Variants in MITF observed in about 807,000 individuals in gnomAD.
The protein encoded by MITF is melanocyte inducing transcription factor, also known as microphthalmia-associated transcription factor.
A neutral mutation model predicts 60.5 loss-of-function variants in MITF; 17 were observed. The observed-to-expected ratio is 0.28, with a 90% confidence interval of 0.19 to 0.42. The LOEUF (loss-of-function observed/expected upper bound fraction) is 0.42. Among genes scored for constraint, MITF ranks in the 10% least tolerant of loss-of-function variants. The pLI is 1.00. For synonymous variants in MITF, 260 were observed against 248.5 expected (o/e 1.05, Z -0.43); for missense variants, 622 against 683.5 (o/e 0.91, Z 1.00).
intron 1 of MITF, among the ~76,000 whole-genome samples, chr3:69,821,004 G>A (rs532905487): frequency 1.1e-3 from 164 of 152,078 alleles, no homozygotes; most frequent in African/African-American, 3.7e-3. Flanking sequence ...TTTCAGCCTC[G>A]TTGTAGGATA....
chr3:69,895,848 G>A (rs558556189), intron 2 of MITF, among the ~76,000 whole-genome samples: 4 of 139,602 alleles, frequency 2.9e-5, no homozygotes, highest in African/African-American at 1.0e-4. Context: ...GTGTGTGTGT[G>A]TATGTGTGTG....
intron 2 of MITF, among the ~76,000 whole-genome samples, chr3:69,898,196 G>T (rs902056599): frequency 1.3e-5 from 2 of 152,232 alleles, no homozygotes; most frequent in South Asian, 2.1e-4. Context: ...TCTTTCCCCT[G>T]TTCACCTGTC....
intron 1 of MITF, among the ~76,000 whole-genome samples, chr3:69,818,452 C>G (rs1471512487): frequency 6.6e-6 from 1 of 152,156 alleles, no homozygotes; most frequent in Non-Finnish European, 1.5e-5. Flanking sequence ...CTTCAGTATC[C>G]CAGTGTAACC....
chr3:69,951,486 C>T (rs561633613), intron 6 of MITF, among the ~76,000 whole-genome samples: 21 of 152,210 alleles, frequency 1.4e-4, no homozygotes, highest in Middle Eastern at 6.8e-3. Flanking sequence ...AGAGTATCAA[C>T]AGCAAATTGA....
At chr3:69,921,280 G>C (rs772835558) in intron 2 of MITF, among the ~76,000 whole-genome samples, 9 of 152,180 alleles carry the variant, frequency 5.9e-5, no homozygotes, top group Non-Finnish European at 1.3e-4. Flanking sequence ...TTGTTTGCAA[G>C]TATAGTAACG....
intron 1 of MITF, among the ~76,000 whole-genome samples, chr3:69,757,846 A>G (rs1001813886): frequency 6.6e-6 from 1 of 151,750 alleles, no homozygotes; most frequent in Non-Finnish European, 1.5e-5. Flanking sequence ...TGAGCTGAGG[A>G]TAATGGGGAG....
At chr3:69,797,902 G>C (rs2062856888) in intron 1 of MITF, among the ~76,000 whole-genome samples, 1 of 152,226 alleles carries the variant, frequency 6.6e-6, no homozygotes, top group Non-Finnish European at 1.5e-5. Context: ...GGTTGCAGAA[G>C]CAACGTACAT....
At chr3:69,865,783 A>G (rs553101157) in intron 1 of MITF, among the ~76,000 whole-genome samples, 1 of 152,236 alleles carries the variant, frequency 6.6e-6, no homozygotes, top group South Asian at 2.1e-4. Flanking sequence ...ACAGATGCAA[A>G]ACACCTAGAG....
intron 1 of MITF, chr3:69,769,852 C>G (rs574103030): frequency 4.7e-4 from 71 of 152,124 alleles, no homozygotes; most frequent in Non-Finnish European, 6.8e-4. Context: ...TCCAGAATGT[C>G]CAGTTAAATT....
chr3:69,826,103 A>G (rs1338810643), intron 1 of MITF, among the ~76,000 whole-genome samples: 3 of 152,210 alleles, frequency 2.0e-5, no homozygotes, highest in African/African-American at 7.2e-5. Flanking sequence ...AGTGTACACC[A>G]TGATGATTTA....
At chr3:69,860,440 C>CA (rs1335937456) in intron 1 of MITF, among the ~76,000 whole-genome samples, 15 of 151,568 alleles carry the variant, frequency 9.9e-5, no homozygotes, top group East Asian at 5.8e-4. Flanking sequence ...ACTAAAAATA[C>CA]AAAAAAAATT....
intron 2 of MITF, among the ~76,000 whole-genome samples, chr3:69,915,166 CTT>C (rs2065306843): frequency 6.6e-6 from 1 of 152,154 alleles, no homozygotes; most frequent in African/African-American, 2.4e-5. Context: ...ATCAATCACA[CTT>C]TTCTCTAAAG....
intron 7 of MITF, among the ~76,000 whole-genome samples, chr3:69,954,784 G>A (rs144804268): frequency 8.5e-5 from 13 of 152,232 alleles, no homozygotes; most frequent in Middle Eastern, 3.4e-3. Context: ...GTAGGACTTC[G>A]TATTATATAA....
chr3:69,959,382 C>T lies in MITF; in HGVS notation c.1141C>T (p.Leu381=), dbSNP rs2107537703. 1 of 1,613,952 alleles carries T rather than the reference C, an allele frequency of 6.2e-7. No homozygotes were observed. The highest frequency in any genetic ancestry group is 8.5e-7 in the Non-Finnish European group (1 of 1,179,898). Reference sequence around the variant, plus strand: ...AGAACTTGAAAACCGACAGAAGAAACTGGAGCACGCCAACCGGCATTTGTT... The same window carrying T: ...AGAACTTGAAAACCGACAGAAGAAATTGGAGCACGCCAACCGGCATTTGTT... ...AKELENRQKK[L]EHANRHLLLR... The change falls in exon 9 of 10, where the codon CTG becomes TTG. Residue 381 remains leucine (L), a synonymous_variant. Coordinates refer to ENST00000352241, the MANE Select transcript of MITF (RefSeq NM_001354604.2).
intron 1 of MITF, among the ~76,000 whole-genome samples, chr3:69,853,524 G>A (rs2107185467): frequency 6.6e-6 from 1 of 152,078 alleles, no homozygotes; most frequent in East Asian, 1.9e-4. Flanking sequence ...CCAATAAAAT[G>A]AATAACCATG....
rs1299191968 is a variant in MITF at position 69,739,589 on chromosome 3, G to A, written c.-9G>A. On this transcript the variant is annotated 5_prime_UTR_variant, in exon 1 of 10. Transcript: ENST00000352241. ...CTTTCCAGCAGTGGAAGGACGGGAA[G>A]CGGGAGCCATGCAGTCCGAATCGGG... 4 of 1,564,098 alleles carry A rather than the reference G, an allele frequency of 2.6e-6. No homozygotes were observed. The highest frequency in any genetic ancestry group is 3.5e-6 in the Non-Finnish European group (4 of 1,152,338).
At chr3:69,775,529 C>T (rs2062460307) in intron 1 of MITF, among the ~76,000 whole-genome samples, 1 of 152,196 alleles carries the variant, frequency 6.6e-6, no homozygotes. Flanking sequence ...CACAAATCAG[C>T]ATTCTTTAAT....
intron 8 of MITF, among the ~76,000 whole-genome samples, chr3:69,956,839 G>C (rs761652951): frequency 3.3e-5 from 5 of 152,090 alleles, no homozygotes; most frequent in Non-Finnish European, 5.9e-5. Flanking sequence ...TTCCTTTAAT[G>C]GTTCATGCAG....
intron 1 of MITF, among the ~76,000 whole-genome samples, chr3:69,761,306 T>C (rs1300656455): frequency 1.3e-5 from 2 of 152,210 alleles, no homozygotes; most frequent in Non-Finnish European, 2.9e-5. Context: ...TTAAGTGTTT[T>C]ATATAATATA....
Sources: gnomAD v4.1 joint callset for allele counts (sites outside exome capture counted in the v4.1 genomes callset) on GRCh38, gnomAD v4.1.1 for gene constraint, MANE v1.5 for transcripts, NCBI Gene and HGNC (gene_info 2026-07-23, HGNC 2026-07-21) for gene names.